CIT: variants seen among roughly 807,000 people sequenced by gnomAD.
The protein encoded by CIT is citron rho-interacting serine/threonine kinase, also known as citron Rho-interacting kinase.
Under a neutral mutation model 272.7 loss-of-function variants are expected in CIT, and 79 were observed. That is an observed-to-expected ratio of 0.29 (90% confidence interval 0.24 to 0.35). The LOEUF (loss-of-function observed/expected upper bound fraction) is 0.35. Ranked by LOEUF, CIT falls within the 10% of genes least tolerant of loss-of-function variation. The probability of loss-of-function intolerance (pLI) is 1.00; values close to 1 mark genes in which losing one functional copy is unlikely to be tolerated. For missense variants in CIT, 1,909 were observed against 2,618.3 expected (o/e 0.73, Z 5.91); for synonymous variants, 948 against 995.6 (o/e 0.95, Z 0.90).
At chr12:119,849,922 G>A (rs958272052) in intron 5 of CIT, among the ~76,000 whole-genome samples, 33 of 152,238 alleles carry the variant, frequency 2.2e-4, no homozygotes, top group African/African-American at 7.0e-4. Context: ...TCCTGACCTC[G>A]TGATCCACCC....
At chr12:119,689,123 G>A (rs1407310466) in intron 47 of CIT, among the ~76,000 whole-genome samples, 2 of 152,000 alleles carry the variant, frequency 1.3e-5, no homozygotes, top group African/African-American at 2.4e-5. Flanking sequence ...AGGCCGTGGT[G>A]AGCTATGATC....
intron 13 of CIT, among the ~76,000 whole-genome samples, chr12:119,781,884 C>A (rs932079198): frequency 3.9e-5 from 6 of 152,176 alleles, no homozygotes; most frequent in Non-Finnish European, 7.4e-5. Context: ...GCTATTAAAA[C>A]ATTTAATTGT....
intron 2 of CIT, among the ~76,000 whole-genome samples, chr12:119,870,411 G>A (rs920094446): frequency 6.6e-6 from 1 of 151,940 alleles, no homozygotes; most frequent in East Asian, 1.9e-4. Context: ...TTAGCCAGGC[G>A]TGGTGGTAGG....
rs571196318 is a variant in CIT, at chr12:119,759,726, T to TC, written c.2422-1027dup. ...GTGGTACGGTTTTATCTCAAAACCA[T>TC]CCCCCCACCCCTGTGGAAAAATTGT... On this transcript the variant is annotated intron_variant, in intron 20 of 47. Transcript: ENST00000392521. Among the ~76,000 whole-genome samples, 263 of 152,136 alleles carry TC rather than the reference T, an allele frequency of 1.7e-3. 1 individual carries two copies. Among genetic ancestry groups the TC allele is most frequent in the African/African-American group, 5.9e-3 (246 of 41,514 alleles).
At chr12:119,771,244 G>A (rs1963108008) in intron 17 of CIT, among the ~76,000 whole-genome samples, 1 of 152,180 alleles carries the variant, frequency 6.6e-6, no homozygotes, top group Non-Finnish European at 1.5e-5. Flanking sequence ...AGGTTAAGAG[G>A]AGGAAGAACC....
At chr12:119,796,491 A>C (rs562747211) in intron 10 of CIT, among the ~76,000 whole-genome samples, 1 of 152,294 alleles carries the variant, frequency 6.6e-6, no homozygotes, top group African/African-American at 2.4e-5. Flanking sequence ...CTTGCCTAGA[A>C]GGGTAGGGAA....
At chr12:119,808,131 T>TTC (rs778303280) in intron 9 of CIT, among the ~76,000 whole-genome samples, 5 of 152,038 alleles carry the variant, frequency 3.3e-5, no homozygotes, top group African/African-American at 1.2e-4. Context: ...CTTCTATAAA[T>TTC]TCTCTCTCTC....
chr12:119,699,132 T>C (rs1956402412), intron 44 of CIT, among the ~76,000 whole-genome samples: 2 of 151,818 alleles, frequency 1.3e-5, no homozygotes, highest in African/African-American at 2.4e-5. Context: ...GACAGGCGCC[T>C]GTAATCCCAG....
intron 5 of CIT, among the ~76,000 whole-genome samples, chr12:119,838,600 C>A (rs1969187212): frequency 6.6e-6 from 1 of 152,144 alleles, no homozygotes; most frequent in Non-Finnish European, 1.5e-5. Flanking sequence ...GCTGTGGAAC[C>A]AATATGGCTC....
chr12:119,790,466 GAC>G (rs1440404671), intron 10 of CIT, among the ~76,000 whole-genome samples: 1 of 152,072 alleles, frequency 6.6e-6, no homozygotes, highest in Non-Finnish European at 1.5e-5. Flanking sequence ...CATGGAATGG[GAC>G]AGAGTCTATC....
chr12:119,847,798 AG>A (rs1566121023), intron 5 of CIT, among the ~76,000 whole-genome samples: 1 of 149,692 alleles, frequency 6.7e-6, no homozygotes, highest in African/African-American at 2.5e-5. Context: ...GGCTGAGGCA[AG>A]AGAATCGCTT....
At position 119,690,500 on chromosome 12, in the gene CIT, A is replaced by T; in HGVS notation, c.5883-46T>A. 1 of 1,502,160 alleles carries T rather than the reference A, an allele frequency of 6.7e-7. No homozygotes were observed. 93.1% of individuals were successfully genotyped at this position (1,502,160 alleles called of 1,614,324 possible). A position where few individuals can be genotyped will look rare whatever the true frequency, so the allele number is the denominator to read the frequency against. Reference sequence around the variant, plus strand: ...TAGGGAGCTGCGAGGCCACAACCCCAGAGGGGCATTTTCCTTCTTACCTGA... The same window carrying T: ...TAGGGAGCTGCGAGGCCACAACCCCTGAGGGGCATTTTCCTTCTTACCTGA... On this transcript the variant is annotated intron_variant, in intron 46 of 47. Coordinates refer to ENST00000392521, the MANE Select transcript of CIT (RefSeq NM_001206999.2). This position sits in a 1 kb window ranked among gnomAD's most constrained non-coding sequence, Gnocchi z 6.0.
rs753261617 is a variant in CIT at position 119,772,872 on chromosome 12, C to G, written c.1980G>C (p.Gln660His). The G allele has an allele frequency of 1.4e-5, 23 of 1,614,104 alleles. No individual in the cohort carries two copies. The highest frequency in any genetic ancestry group is 1.8e-5 in the Non-Finnish European group (21 of 1,180,014). The change falls in exon 17 of 48, where the codon CAG becomes CAC. Residue 660 changes from glutamine to histidine, a missense_variant. Around this residue, in one of 8 missense-constraint regions of CIT, gnomAD observed 530 missense variants for 822.4 expected, o/e 0.64. Coordinates refer to ENST00000392521, the MANE Select transcript of CIT (RefSeq NM_001206999.2). ...KASTEATELL[Q>H]NIRQAKERAE... ...CTCGCTCCTTTGCCTGGCGGATATT[C>G]TGCAGCAGCTCGGTGGCCTCCGTGC...
At chr12:119,789,573 T>C (rs1825516040) in intron 10 of CIT, among the ~76,000 whole-genome samples, 1 of 152,230 alleles carries the variant, frequency 6.6e-6, no homozygotes. Flanking sequence ...CATGTAGACA[T>C]GGGGAAATTC....
At chr12:119,830,961 G>A (rs758615914) in intron 7 of CIT, among the ~76,000 whole-genome samples, 1 of 152,098 alleles carries the variant, frequency 6.6e-6, no homozygotes, top group Non-Finnish European at 1.5e-5. Context: ...AACCTCCTTC[G>A]CTCCAGCGAT....
At chr12:119,723,397 TAAAAAA>T (rs869077083) in intron 28 of CIT, among the ~76,000 whole-genome samples, 1 of 40,830 alleles carries the variant, frequency 2.4e-5, no homozygotes, top group Non-Finnish European at 5.2e-5. Context: ...CCCTATACAT[TAAAAAA>T]AAAAAAAAAA....
chr12:119,791,845 T>A (rs1433216476), intron 10 of CIT, among the ~76,000 whole-genome samples: 1 of 152,210 alleles, frequency 6.6e-6, no homozygotes, highest in Non-Finnish European at 1.5e-5. Context: ...GATAATGGCA[T>A]ATGACACAGA....
chr12:119,776,570 C>A, intron 14 of CIT, 102 bp downstream of exon 14: 1 of 1,252,410 alleles, frequency 8.0e-7, no homozygotes. Flanking sequence ...CCTACTATTT[C>A]TCAAACTAGG....
rs887165325 is a variant in CIT at position 119,870,427 on chromosome 12, G to A, written c.97-1226C>T. Among the ~76,000 whole-genome samples, 5 of 151,542 alleles carry A rather than the reference G, an allele frequency of 3.3e-5. No individual in the cohort carries two copies. In the East Asian group the frequency reaches 5.9e-4, roughly 18 times the overall value. On this transcript the variant is annotated intron_variant, in intron 2 of 47. Coordinates refer to ENST00000392521, the MANE Select transcript of CIT (RefSeq NM_001206999.2). ...TAGCCAGGCGTGGTGGTAGGCACCCGTAATCCCAGCTACCTGGGAGGTTGA... is the reference window on the plus strand; with the variant it reads ...TAGCCAGGCGTGGTGGTAGGCACCCATAATCCCAGCTACCTGGGAGGTTGA...
Sources: allele counts gnomAD v4.1 joint callset (sites outside exome capture counted in the v4.1 genomes callset), GRCh38; gene constraint gnomAD v4.1.1; regional missense constraint gnomAD v4.1.1; non-coding constraint Gnocchi (gnomAD v3.1); transcripts MANE v1.5; gene names NCBI Gene and HGNC (gene_info 2026-07-23, HGNC 2026-07-21).